Variants in CNNM2 observed in about 807,000 individuals in gnomAD.
CNNM2 encodes metal transporter CNNM2.
A neutral mutation model predicts 66.9 loss-of-function variants in CNNM2; 12 were observed. That is an observed-to-expected ratio of 0.18 (90% CI 0.11 to 0.29). CNNM2 has a LOEUF of 0.29. CNNM2 is among the 10% of genes least tolerant of loss of function. The pLI, the probability that CNNM2 is intolerant of heterozygous loss-of-function variation, is 1.00. For missense variants in CNNM2, 705 were observed against 1,167.7 expected (o/e 0.60, Z 5.77); for synonymous variants, 557 against 501.8 (o/e 1.11, Z -1.47).
chr10:102,947,852 C>T (rs1467973243), intron 1 of CNNM2, among the ~76,000 whole-genome samples: 1 of 152,022 alleles, frequency 6.6e-6, no homozygotes, highest in African/African-American at 2.4e-5. Context: ...GAGATCGAGA[C>T]CATCTGGCTA....
At chr10:102,928,559 G>T (rs955042878) in intron 1 of CNNM2, among the ~76,000 whole-genome samples, 5 of 149,908 alleles carry the variant, frequency 3.3e-5, no homozygotes, top group African/African-American at 1.2e-4. Flanking sequence ...TCCAGCCTGG[G>T]CAACAAGAGT....
At chr10:102,982,565 G>A (rs1052778216) in intron 1 of CNNM2, among the ~76,000 whole-genome samples, 3 of 152,166 alleles carry the variant, frequency 2.0e-5, no homozygotes, top group African/African-American at 7.2e-5. Flanking sequence ...CTGTTTGCTC[G>A]GCCTAGCTGC....
intron 1 of CNNM2, chr10:102,927,533 G>A: frequency 1.4e-6 from 2 of 1,428,558 alleles, no homozygotes; most frequent in South Asian, 2.5e-5. Context: ...GCCCAGGGAG[G>A]TGGATCACTT....
chr10:103,025,242 C>T (rs1414958369), intron 1 of CNNM2, among the ~76,000 whole-genome samples: 2 of 152,190 alleles, frequency 1.3e-5, no homozygotes, highest in African/African-American at 4.8e-5. Context: ...CAGGCATGTG[C>T]CACCATGCCC....
At chr10:102,954,318 C>T (rs1846955782) in intron 1 of CNNM2, among the ~76,000 whole-genome samples, 1 of 151,730 alleles carries the variant, frequency 6.6e-6, no homozygotes, top group South Asian at 2.1e-4. Flanking sequence ...TGGGGTCTCA[C>T]TATGTGGCTT....
At chr10:103,032,335 C>T (rs961161936) in intron 1 of CNNM2, among the ~76,000 whole-genome samples, 5 of 151,976 alleles carry the variant, frequency 3.3e-5, no homozygotes, top group African/African-American at 9.7e-5. Flanking sequence ...TCTGTAATTC[C>T]AGCTACTCAG....
rs1590517633 is a variant in CNNM2, at chr10:103,077,494, T to A, written c.*314T>A. ...TTATTCACACTCCTCTGCCCTCGATTTGCATGAAGTTGAAAATTGTTGCGA... is the reference window on the plus strand; with the variant it reads ...TTATTCACACTCCTCTGCCCTCGATATGCATGAAGTTGAAAATTGTTGCGA... On this transcript the variant is annotated 3_prime_UTR_variant, in exon 8 of 8. Coordinates refer to ENST00000369878, the MANE Select transcript of CNNM2 (RefSeq NM_017649.5). The A allele has an allele frequency of 3.1e-6, 1 of 326,086 alleles. No homozygotes were observed. Among genetic ancestry groups the A allele is most frequent in the Non-Finnish European group, 5.7e-6 (1 of 176,524 alleles). The allele number at this position is 326,086 out of a possible 1,614,324, so 20.2% of individuals were successfully genotyped here. A position where few individuals can be genotyped will look rare whatever the true frequency, so the allele number is the denominator to read the frequency against.
chr10:103,054,561 G>A lies in CNNM2; in HGVS notation c.1903+95G>A. On this transcript the variant is annotated intron_variant, in intron 3 of 7. Coordinates refer to ENST00000369878, the MANE Select transcript of CNNM2 (RefSeq NM_017649.5). This position sits in a 1 kb window ranked among gnomAD's most constrained non-coding sequence, Gnocchi z 5.2. Reference sequence around the variant, plus strand: ...GGGGTGGGTTGGGGGTGGACACTGGGAAATGGGGTGATAAGTAATGCCACT... The same window carrying A: ...GGGGTGGGTTGGGGGTGGACACTGGAAAATGGGGTGATAAGTAATGCCACT... The A allele has an allele frequency of 7.8e-7, 1 of 1,288,164 alleles. No individual in the cohort carries two copies. The highest frequency in any genetic ancestry group is 1.1e-6 in the Non-Finnish European group (1 of 922,872). 79.8% of individuals were successfully genotyped at this position (1,288,164 alleles called of 1,614,324 possible).
intron 1 of CNNM2, among the ~76,000 whole-genome samples, chr10:103,044,158 A>T (rs2065089754): frequency 6.6e-6 from 1 of 152,186 alleles, no homozygotes. Context: ...AGAATCCATC[A>T]GTTTATCATC....
At chr10:103,026,326 G>A (rs2064702091) in intron 1 of CNNM2, among the ~76,000 whole-genome samples, 1 of 152,158 alleles carries the variant, frequency 6.6e-6, no homozygotes. Context: ...GAGGCTGGGA[G>A]TAGTGGCTCA....
At chr10:102,976,381 C>G (rs2063628677) in intron 1 of CNNM2, among the ~76,000 whole-genome samples, 1 of 141,730 alleles carries the variant, frequency 7.1e-6, no homozygotes, top group Non-Finnish European at 1.5e-5. Flanking sequence ...CACCTTGGTA[C>G]TGTGTAACAT....
chr10:103,007,586 C>T (rs1003413057), intron 1 of CNNM2, among the ~76,000 whole-genome samples: 12 of 152,096 alleles, frequency 7.9e-5, no homozygotes, highest in East Asian at 3.9e-4. Context: ...AAATAATTCG[C>T]GATATCTTCC....
chr10:103,046,938 T>C (rs2065136341), intron 1 of CNNM2, among the ~76,000 whole-genome samples: 1 of 152,206 alleles, frequency 6.6e-6, no homozygotes, highest in Non-Finnish European at 1.5e-5. Context: ...ACCATACCAG[T>C]AGACCTTTGG....
rs543514329 is a variant in CNNM2, at chr10:103,059,887, A to T, written c.2073+2923A>T. Among the ~76,000 whole-genome samples, 3 of 152,334 alleles carry T rather than the reference A, an allele frequency of 2.0e-5. No homozygotes were observed. The East Asian group carries it at 5.8e-4, about 29-fold the overall frequency. Reference sequence around the variant, plus strand: ...CTGGGTGTGGTAGCTCATGCCTGTAATCCCAGAACTTTGGGAGGTCAAGAT... The same window carrying T: ...CTGGGTGTGGTAGCTCATGCCTGTATTCCCAGAACTTTGGGAGGTCAAGAT... On this transcript the variant is annotated intron_variant, in intron 4 of 7. Coordinates refer to ENST00000369878, the MANE Select transcript of CNNM2 (RefSeq NM_017649.5).
intron 7 of CNNM2, among the ~76,000 whole-genome samples, chr10:103,076,694 G>A (rs2065697820): frequency 6.6e-6 from 1 of 152,228 alleles, no homozygotes; most frequent in Non-Finnish European, 1.5e-5. Context: ...AAATAAAGAT[G>A]ACTTTTGGAG....
chr10:103,020,633 G>A (rs2064555396), intron 1 of CNNM2, among the ~76,000 whole-genome samples: 1 of 152,136 alleles, frequency 6.6e-6, no homozygotes, highest in African/African-American at 2.4e-5. Flanking sequence ...CAAGATAAAA[G>A]TATAAATTTC....
At chr10:103,044,377 G>A (rs965463696) in intron 1 of CNNM2, among the ~76,000 whole-genome samples, 2 of 151,948 alleles carry the variant, frequency 1.3e-5, no homozygotes, top group African/African-American at 2.4e-5. Flanking sequence ...GCAATATAGC[G>A]AGACCCTGTC....
chr10:102,998,517 G>A (rs2064046094), intron 1 of CNNM2, among the ~76,000 whole-genome samples: 1 of 152,136 alleles, frequency 6.6e-6, no homozygotes, highest in Non-Finnish European at 1.5e-5. Flanking sequence ...ACACAGGCTT[G>A]TCTCTGGGCA....
chr10:102,965,800 T>C (rs150657130), intron 1 of CNNM2, among the ~76,000 whole-genome samples: 122 of 152,338 alleles, frequency 8.0e-4, no homozygotes, highest in African/African-American at 2.9e-3. Flanking sequence ...AAGTCACTTA[T>C]TTAAGAAGTA....
Sources: gnomAD v4.1 joint callset for allele counts (sites outside exome capture counted in the v4.1 genomes callset) on GRCh38, gnomAD v4.1.1 for gene constraint, Gnocchi (gnomAD v3.1) non-coding constraint, MANE v1.5 for transcripts, NCBI Gene and HGNC (gene_info 2026-07-23, HGNC 2026-07-21) for gene names.